Variants in TJP2 observed in about 807,000 individuals in gnomAD.
TJP2 encodes the protein tight junction protein 2, also known as Friedreich ataxia region gene X104 (tight junction protein ZO-2).
Under a neutral mutation model 133.1 loss-of-function variants are expected in TJP2, and 91 were observed. That is an observed-to-expected ratio of 0.68 (90% CI 0.58 to 0.81). The LOEUF (loss-of-function observed/expected upper bound fraction) is 0.81. TJP2 is among the 40% of genes least tolerant of loss of function. TJP2 has a pLI of 0.00. For synonymous variants in TJP2, 592 were observed against 583.4 expected (o/e 1.01, Z -0.21); for missense variants, 1,541 against 1,565.6 (o/e 0.98, Z 0.26).
At chr9:69,137,611 G>T (rs1170382948) in intron 1 of TJP2, among the ~76,000 whole-genome samples, 1 of 151,810 alleles carries the variant, frequency 6.6e-6, no homozygotes, top group Non-Finnish European at 1.5e-5. Context: ...TGATCTGCCC[G>T]CTTCGGCCTC....
chr9:69,225,537 A>G (rs1220672311), intron 6 of TJP2, 130 bp downstream of exon 6: 4 of 690,772 alleles, frequency 5.8e-6, no homozygotes, highest in Non-Finnish European at 1.0e-5. Flanking sequence ...TGGCAAGAGC[A>G]GCATAATGAG....
intron 1 of TJP2, among the ~76,000 whole-genome samples, chr9:69,181,829 C>T (rs1424922953): frequency 6.6e-6 from 1 of 152,048 alleles, no homozygotes; most frequent in Non-Finnish European, 1.5e-5. Flanking sequence ...TTGTTTTGCT[C>T]ATAAAGTGAT....
At chr9:69,144,431 C>T (rs541561561) in intron 1 of TJP2, among the ~76,000 whole-genome samples, 97 of 152,210 alleles carry the variant, frequency 6.4e-4, no homozygotes, top group African/African-American at 2.2e-3. Flanking sequence ...TATTTTGCTT[C>T]CCTTTATGTA....
intron 19 of TJP2, chr9:69,248,797 A>G (rs1831115631): frequency 2.0e-6 from 2 of 994,792 alleles, no homozygotes; most frequent in African/African-American, 1.7e-5. Flanking sequence ...ATTGACAGGC[A>G]CTGTAAAGTC....
chr9:69,240,790 G>A (rs1038012936), intron 17 of TJP2, among the ~76,000 whole-genome samples: 1 of 150,150 alleles, frequency 6.7e-6, no homozygotes, highest in South Asian at 2.1e-4. Flanking sequence ...GACTGAGTGA[G>A]ACCCTGTCTC....
intron 1 of TJP2, among the ~76,000 whole-genome samples, chr9:69,144,691 G>C (rs1260777753): frequency 6.6e-6 from 1 of 152,194 alleles, no homozygotes; most frequent in Non-Finnish European, 1.5e-5. Context: ...GTGATGTCAT[G>C]ACATTTTTCT....
At position 69,254,518 on chromosome 9, in the gene TJP2, C is replaced by A. The variant is rs1456231194; in HGVS notation, c.*144C>A. ...CAGCTCGTGTGTCCTCATGGAGAAC[C>A]CAGGGGACAGCTGGTGCAAATTCAG... On this transcript the variant is annotated 3_prime_UTR_variant, in exon 23 of 23. Coordinates refer to ENST00000377245, the MANE Select transcript of TJP2 (RefSeq NM_004817.4). 1.9e-6 allele frequency: 2 copies of A among 1,061,218 alleles called. No homozygotes were observed. Among genetic ancestry groups the A allele is most frequent in the Non-Finnish European group, 2.8e-6 (2 of 713,390 alleles). The allele number at this position is 1,061,218 out of a possible 1,614,324, so 65.7% of individuals were successfully genotyped here.
intron 19 of TJP2, chr9:69,249,132 A>G (rs1227009406): frequency 2.3e-6 from 3 of 1,313,904 alleles, no homozygotes; most frequent in Admixed American, 6.7e-5. Flanking sequence ...GAGATTTTAG[A>G]CTTTTGGAGG....
intron 1 of TJP2, among the ~76,000 whole-genome samples, chr9:69,181,781 C>A (rs1345477538): frequency 2.0e-5 from 3 of 151,990 alleles, no homozygotes; most frequent in Non-Finnish European, 2.9e-5. Context: ...CTCTGAAAAG[C>A]ATTTTTTAAA....
At chr9:69,201,242 A>C (rs949339913) in intron 1 of TJP2, among the ~76,000 whole-genome samples, 9 of 152,142 alleles carry the variant, frequency 5.9e-5, no homozygotes, top group Non-Finnish European at 1.2e-4. Context: ...TAAACCCATA[A>C]GCTCTTCTCA....
At chr9:69,183,781 C>CTGGA (rs1234366879) in intron 1 of TJP2, among the ~76,000 whole-genome samples, 1 of 152,168 alleles carries the variant, frequency 6.6e-6, no homozygotes, top group Non-Finnish European at 1.5e-5. Context: ...GTCACCCAGG[C>CTGGA]TGGAGTGCAG....
chr9:69,251,225 G>A lies in TJP2; in HGVS notation c.3182G>A (p.Gly1061Asp), dbSNP rs756375710. 2.5e-6 allele frequency: 4 copies of A among 1,614,064 alleles called. No individual in the cohort carries two copies. Among genetic ancestry groups the A allele is most frequent in the South Asian group, 2.2e-5 (2 of 91,084 alleles). ...KPSTPIPPQEGEEVGESSEEQ... is the reference protein window; with the variant it reads ...KPSTPIPPQEDEEVGESSEEQ... ...TCCACTCCCATCCCTCCTCAAGAGG[G>A]TGAGGAGGTGGGAGAGAGCAGTGAG... The change falls in exon 21 of 23, where the codon GGT becomes GAT. Residue 1061 changes from glycine (G) to aspartate (D), a missense_variant. Transcript: ENST00000377245.
chr9:69,229,219 C>T lies in TJP2; in HGVS notation c.1489C>T (p.Arg497Cys), dbSNP rs202036469. 7.4e-6 allele frequency: 12 copies of T among 1,613,980 alleles called. No individual in the cohort carries two copies. Among genetic ancestry groups the T allele is most frequent in the African/African-American group, 6.7e-5 (5 of 74,912 alleles). ...QPKAAPRTFL[R>C]PSPEDEAIYG... ...AAAAGCAGCCCCGAGAACTTTTCTT[C>T]GTCCTAGTCCTGAAGATGAAGCAAT... The change falls in exon 10 of 23, where the codon CGT becomes TGT. Residue 497 changes from arginine to cysteine, a missense_variant. Coordinates refer to ENST00000377245, the MANE Select transcript of TJP2 (RefSeq NM_004817.4).
intron 1 of TJP2, among the ~76,000 whole-genome samples, chr9:69,176,987 G>A (rs970207460): frequency 4.6e-5 from 7 of 152,138 alleles, no homozygotes; most frequent in East Asian, 1.9e-4. Flanking sequence ...GGGGTGAAGC[G>A]GTAGAAGGGT....
chr9:69,204,861 T>C (rs746532527), intron 1 of TJP2: 2 of 1,145,020 alleles, frequency 1.7e-6, no homozygotes, highest in Non-Finnish European at 2.2e-6. Flanking sequence ...AATCATTTTA[T>C]GTGCTTAAAA....
intron 1 of TJP2, among the ~76,000 whole-genome samples, chr9:69,137,509 C>T (rs1822830671): frequency 2.0e-5 from 3 of 151,216 alleles, no homozygotes; most frequent in African/African-American, 2.4e-5. Context: ...ACCACAGATG[C>T]GCACCACCAG....
chr9:69,185,682 A>G (rs981873162), intron 1 of TJP2, among the ~76,000 whole-genome samples: 3 of 152,162 alleles, frequency 2.0e-5, no homozygotes, highest in Non-Finnish European at 2.9e-5. Flanking sequence ...GGTAATATAT[A>G]AATCTGGCTG....
intron 1 of TJP2, among the ~76,000 whole-genome samples, chr9:69,122,634 G>A (rs771139379): frequency 3.9e-4 from 59 of 152,144 alleles, no homozygotes; most frequent in South Asian, 2.1e-3. Flanking sequence ...TTGGAAAAAG[G>A]CCACTGAATT....
At chr9:69,190,109 C>T (rs958151959) in intron 1 of TJP2, among the ~76,000 whole-genome samples, 4 of 151,502 alleles carry the variant, frequency 2.6e-5, no homozygotes, top group East Asian at 1.9e-4. Context: ...GACTCTGTCT[C>T]AAAAAACAAA....
Sources: gnomAD v4.1 joint callset for allele counts (sites outside exome capture counted in the v4.1 genomes callset) on GRCh38, gnomAD v4.1.1 for gene constraint, MANE v1.5 for transcripts, NCBI Gene and HGNC (gene_info 2026-07-23, HGNC 2026-07-21) for gene names.